The following LRMDA variants were observed in gnomAD, a reference collection of about 807,000 sequenced individuals.
LRMDA encodes leucine rich melanocyte differentiation associated.
LRMDA carries 18 observed loss-of-function variants against 29.8 expected under a neutral mutation model. The ratio of observed to expected loss-of-function variants is 0.60; its 90% CI spans 0.42 to 0.90. LRMDA has a LOEUF of 0.90. Among genes scored for constraint, LRMDA ranks in the 40% least tolerant of loss-of-function variants. LRMDA has a pLI of 0.00. For synonymous variants in LRMDA, 125 were observed against 109.4 expected (o/e 1.14, Z -0.89); for missense variants, 273 against 273.9 (o/e 1.00, Z 0.02).
At chr10:75,915,949 G>A (rs1263004573) in intron 2 of LRMDA, among the ~76,000 whole-genome samples, 1 of 152,192 alleles carries the variant, frequency 6.6e-6, no homozygotes, top group African/African-American at 2.4e-5. Flanking sequence ...CCTTAGAAGA[G>A]ACAATGACAT....
At chr10:76,322,927 G>C (rs1840789383) in intron 5 of LRMDA, among the ~76,000 whole-genome samples, 1 of 152,134 alleles carries the variant, frequency 6.6e-6, no homozygotes, top group Admixed American at 6.6e-5. Context: ...AATTACAGGA[G>C]ACCTTGAATA....
chr10:75,882,977 A>C (rs758417148), intron 2 of LRMDA, among the ~76,000 whole-genome samples: 18 of 152,174 alleles, frequency 1.2e-4, no homozygotes, highest in Non-Finnish European at 1.9e-4. Context: ...AATTTACATA[A>C]CATAACTGAT....
chr10:76,531,785 G>A (rs1843236761), intron 6 of LRMDA, among the ~76,000 whole-genome samples: 1 of 152,072 alleles, frequency 6.6e-6, no homozygotes, highest in Non-Finnish European at 1.5e-5. Context: ...TTTGGTATCA[G>A]TGTAATGCTG....
rs1392124577 is a variant in LRMDA at position 76,559,421 on chromosome 10, G to GAT, written c.*2134_*2135dup. On this transcript the variant is annotated 3_prime_UTR_variant, in exon 7 of 7. Transcript: ENST00000611255. ...AGAATGGTGTAATAACTTTAATTAA[G>GAT]ATTAGCTTTAATTATAAATTACCTA... 6.6e-6 allele frequency: 1 copy of GAT among 152,112 alleles called. No individual in the cohort carries two copies. The highest frequency in any genetic ancestry group is 1.5e-5 in the Non-Finnish European group (1 of 68,016). The allele number at this position is 152,112 out of a possible 1,614,324, so 9.4% of individuals were successfully genotyped here. A position where few individuals can be genotyped will look rare whatever the true frequency, so the allele number is the denominator to read the frequency against.
At chr10:75,728,808 T>C (rs763989579) in intron 2 of LRMDA, among the ~76,000 whole-genome samples, 3 of 151,976 alleles carry the variant, frequency 2.0e-5, no homozygotes, top group African/African-American at 7.2e-5. Flanking sequence ...TGGTGGCTAA[T>C]GGGGGTTGAG....
chr10:76,173,443 C>A (rs960997307), intron 5 of LRMDA, among the ~76,000 whole-genome samples: 2 of 152,022 alleles, frequency 1.3e-5, no homozygotes, highest in African/African-American at 4.8e-5. Flanking sequence ...ATTGATAAAC[C>A]TCTAGCTTAC....
intron 2 of LRMDA, among the ~76,000 whole-genome samples, chr10:76,002,283 A>G (rs1847575310): frequency 6.6e-6 from 1 of 152,164 alleles, no homozygotes; most frequent in Non-Finnish European, 1.5e-5. Context: ...GCAACTTCAA[A>G]TACTACTTAT....
At chr10:76,422,234 A>G (rs977666426) in intron 6 of LRMDA, among the ~76,000 whole-genome samples, 2 of 152,076 alleles carry the variant, frequency 1.3e-5, no homozygotes, top group Non-Finnish European at 2.9e-5. Context: ...TTCATGAGAG[A>G]CAGTAGCACT....
At chr10:75,982,968 A>G (rs1315359430) in intron 2 of LRMDA, among the ~76,000 whole-genome samples, 1 of 152,162 alleles carries the variant, frequency 6.6e-6, no homozygotes, top group African/African-American at 2.4e-5. Context: ...ACTGGGATTC[A>G]AGAGAGGGTA....
At chr10:75,849,787 G>A (rs192692080) in intron 2 of LRMDA, among the ~76,000 whole-genome samples, 1 of 152,270 alleles carries the variant, frequency 6.6e-6, no homozygotes. Context: ...GCCCTAAGTA[G>A]TTCTGTTGAA....
At chr10:75,821,961 C>G (rs1310362160) in intron 2 of LRMDA, among the ~76,000 whole-genome samples, 2 of 152,122 alleles carry the variant, frequency 1.3e-5, no homozygotes, top group African/African-American at 4.8e-5. Context: ...CACTCTGATT[C>G]AACTGGAAGT....
At chr10:75,823,757 TACACAC>T (rs796189481) in intron 2 of LRMDA, among the ~76,000 whole-genome samples, 96 of 147,430 alleles carry the variant, frequency 6.5e-4, no homozygotes, top group African/African-American at 2.3e-3. Flanking sequence ...CCTACTTACA[TACACAC>T]ACACACACAT....
chr10:75,501,785 G>A (rs1172685570), intron 2 of LRMDA, among the ~76,000 whole-genome samples: 1 of 152,120 alleles, frequency 6.6e-6, no homozygotes, highest in Non-Finnish European at 1.5e-5. Context: ...CTGCTCCCAG[G>A]TCTTAGTGAC....
intron 2 of LRMDA, among the ~76,000 whole-genome samples, chr10:75,947,063 T>C (rs1846488615): frequency 6.6e-6 from 1 of 152,316 alleles, no homozygotes; most frequent in Admixed American, 6.5e-5. Flanking sequence ...TTCACCTCAC[T>C]GGAACCATTT....
intron 2 of LRMDA, among the ~76,000 whole-genome samples, chr10:75,667,829 A>G (rs1390395931): frequency 2.6e-5 from 4 of 152,168 alleles, no homozygotes; most frequent in Non-Finnish European, 1.5e-5. Context: ...ATTAATTAGC[A>G]TGTCTTTCTG....
intron 6 of LRMDA, among the ~76,000 whole-genome samples, chr10:76,413,384 G>A (rs908747137): frequency 2.0e-5 from 3 of 152,186 alleles, no homozygotes; most frequent in Non-Finnish European, 4.4e-5. Context: ...CCTGGCTGGG[G>A]AGACCTCATA....
At chr10:76,119,561 A>G (rs1849739728) in intron 5 of LRMDA, among the ~76,000 whole-genome samples, 1 of 152,138 alleles carries the variant, frequency 6.6e-6, no homozygotes, top group Non-Finnish European at 1.5e-5. Context: ...TTTCTGTCAA[A>G]TGGGCATGCT....
Position 76,433,193 on chromosome 10 carries a change from CTG to C in LRMDA, c.601+108712_601+108713del, listed in dbSNP as rs146592589. Among the ~76,000 whole-genome samples the C allele has an allele frequency of 4.9e-3, 748 of 152,276 alleles. 41 individuals are homozygous for C. The East Asian group carries it at 0.13, about 26-fold the overall frequency. On this transcript the variant is annotated intron_variant, in intron 6 of 6. Coordinates refer to ENST00000611255, the MANE Select transcript of LRMDA (RefSeq NM_001305581.2). ...GGCCTGTGTTCCTTCTCACAGGTATCTGTGTTAATGGGCACCCCTGCCTGGAG... is the reference window on the plus strand; with the variant it reads ...GGCCTGTGTTCCTTCTCACAGGTATCTGTTAATGGGCACCCCTGCCTGGAG...
intron 2 of LRMDA, among the ~76,000 whole-genome samples, chr10:75,629,323 TC>T (rs1841294277): frequency 6.6e-6 from 1 of 152,192 alleles, no homozygotes; most frequent in African/African-American, 2.4e-5. Context: ...AGGTTTTCTT[TC>T]CCCAATCTTT....
Sources: gnomAD v4.1 joint callset for allele counts (sites outside exome capture counted in the v4.1 genomes callset) on GRCh38, gnomAD v4.1.1 for gene constraint, MANE v1.5 for transcripts, NCBI Gene and HGNC (gene_info 2026-07-23, HGNC 2026-07-21) for gene names.